The following COL26A1 variants were observed in gnomAD, a reference collection of about 807,000 sequenced individuals.
The protein encoded by COL26A1 is collagen alpha-1(XXVI) chain.
In COL26A1, 41 loss-of-function variants were observed where a neutral mutation model predicts 59.3. That is an observed-to-expected ratio of 0.69 (90% CI 0.54 to 0.90). COL26A1 has a LOEUF of 0.90. Ranked by LOEUF, COL26A1 falls within the 40% of genes least tolerant of loss-of-function variation. COL26A1 has a pLI of 0.00. For synonymous variants in COL26A1, 266 were observed against 256.0 expected, an observed-to-expected ratio of 1.04 and a Z score of -0.37; for missense variants, 612 against 602.3, an observed-to-expected ratio of 1.02 and a Z score of -0.17.
At chr7:101,523,174 A>T (rs1172645320) in intron 3 of COL26A1, among the ~76,000 whole-genome samples, 1 of 151,142 alleles carries the variant, frequency 6.6e-6, no homozygotes, top group African/African-American at 2.4e-5. Context: ...GGTTCAAGCC[A>T]TTCTCCTGCC....
In COL26A1 at chr7:101,520,633, T is replaced by TACACACACAC. The variant is rs3073377; in HGVS notation, c.386-12428_386-12419dup. Among the ~76,000 whole-genome samples, 1,265 of 137,276 alleles carry TACACACACAC rather than the reference T, an allele frequency of 9.2e-3. 29 individuals are homozygous for TACACACACAC. The highest frequency in any genetic ancestry group is 0.034 in the African/African-American group (1,093 of 31,698). 90.1% of individuals were successfully genotyped at this position (137,276 alleles called of 152,430 possible). A position where few individuals can be genotyped will look rare whatever the true frequency, so the allele number is the denominator to read the frequency against. ...AGGTTGACAGACAAGCACAGACACATACACACACACACACACACACACACA... is the reference window on the plus strand; with the variant it reads ...AGGTTGACAGACAAGCACAGACACATACACACACACACACACACACACACACACACACACA... On this transcript the variant is annotated intron_variant, in intron 3 of 12. Coordinates refer to ENST00000313669, the MANE Select transcript of COL26A1 (RefSeq NM_001278563.3).
intron 3 of COL26A1, among the ~76,000 whole-genome samples, chr7:101,521,920 G>A (rs1346027877): frequency 1.3e-5 from 2 of 152,092 alleles, no homozygotes; most frequent in African/African-American, 4.8e-5. Flanking sequence ...CGTGTTCTGT[G>A]AGACTCGTCC....
At chr7:101,485,721 G>A (rs1317505494) in intron 3 of COL26A1, among the ~76,000 whole-genome samples, 1 of 152,130 alleles carries the variant, frequency 6.6e-6, no homozygotes, top group Non-Finnish European at 1.5e-5. Context: ...GGACAGTTCT[G>A]GCAAAAACCT....
chr7:101,473,281 A>G lies in COL26A1; in HGVS notation c.385+25494A>G, dbSNP rs539917482. Reference sequence around the variant, plus strand: ...TTTTTAGTAGAGACAGGGTTTCACCATTCACCGCATGGTCTTGATCTCCTG... The same window carrying G: ...TTTTTAGTAGAGACAGGGTTTCACCGTTCACCGCATGGTCTTGATCTCCTG... On this transcript the variant is annotated intron_variant, in intron 3 of 12. Coordinates refer to ENST00000313669, the MANE Select transcript of COL26A1 (RefSeq NM_001278563.3). 1.5e-4 allele frequency among the ~76,000 whole-genome samples: 22 copies of G among 151,410 alleles called. No individual in the cohort carries two copies. The East Asian group carries it at 2.7e-3, about 19-fold the overall frequency.
chr7:101,437,026 G>T (rs1003651263), intron 2 of COL26A1, among the ~76,000 whole-genome samples: 6 of 152,120 alleles, frequency 3.9e-5, no homozygotes, highest in Admixed American at 2.6e-4. Context: ...CTGCATCCAG[G>T]CACCCTGTTC....
At chr7:101,414,432 T>TTGTGTG (rs34282686) in intron 1 of COL26A1, among the ~76,000 whole-genome samples, 8,652 of 146,228 alleles carry the variant, frequency 0.059, 302 homozygotes, top group African/African-American at 0.081. Flanking sequence ...CACTCTGTGT[T>TTGTGTG]TGTGTGTGTG....
intron 3 of COL26A1, among the ~76,000 whole-genome samples, chr7:101,481,497 G>A (rs912743347): frequency 2.7e-5 from 4 of 150,466 alleles, no homozygotes; most frequent in Admixed American, 6.6e-5. Flanking sequence ...TGTCACCCCG[G>A]CTGGAGTGCA....
intron 1 of COL26A1, among the ~76,000 whole-genome samples, chr7:101,378,082 T>C (rs1262476188): frequency 2.0e-5 from 3 of 152,090 alleles, no homozygotes; most frequent in African/African-American, 7.2e-5. Context: ...ATTTATCATT[T>C]AAAAATTTTT....
chr7:101,440,901 C>T (rs28377035), intron 2 of COL26A1, among the ~76,000 whole-genome samples: 65,520 of 151,042 alleles, frequency 0.43, 16,341 homozygotes, highest in Middle Eastern at 0.59. Flanking sequence ...TGCTTGAACC[C>T]GGGACACAGA....
rs935097083 is a variant in COL26A1, at chr7:101,508,944, G to T, written c.386-24138G>T. Among the ~76,000 whole-genome samples the T allele has an allele frequency of 3.9e-5, 6 of 152,188 alleles. No homozygotes were observed. In the East Asian group the frequency reaches 5.8e-4, roughly 15 times the overall value. On this transcript the variant is annotated intron_variant, in intron 3 of 12. Transcript: ENST00000313669. ...CCTTTGAGCCCAGGAGGTCGAAGCTGCAGTGAGCTATGATCGTACCACTGC... is the reference window on the plus strand; with the variant it reads ...CCTTTGAGCCCAGGAGGTCGAAGCTTCAGTGAGCTATGATCGTACCACTGC...
In COL26A1 at chr7:101,549,204, C is replaced by G. The variant is rs772573488; in HGVS notation, c.974C>G (p.Pro325Arg). 6.2e-6 allele frequency: 10 copies of G among 1,605,900 alleles called. No homozygotes were observed. The Admixed American group carries it at 1.5e-4, about 24-fold the overall frequency. Reference protein sequence around the residue: ...PPGPRGPPGPPGTPGSQGLAG... With the variant: ...PPGPRGPPGPRGTPGSQGLAG... ...GGGCCTCGAGGTCCCCCAGGACCCC[C>G]AGGAACACCTGGATCCCAGGTAAGG... The change falls in exon 9 of 13, where the codon CCA becomes CGA. Residue 325 changes from proline (P) to arginine (R), a missense_variant. Coordinates refer to ENST00000313669, the MANE Select transcript of COL26A1 (RefSeq NM_001278563.3).
chr7:101,383,533 A>ATT lies in COL26A1; in HGVS notation c.158+20352_158+20353dup, dbSNP rs36087862. Among the ~76,000 whole-genome samples the ATT allele has an allele frequency of 5.0e-3, 737 of 147,676 alleles. 11 individuals carry two copies. The highest frequency in any genetic ancestry group is 7.3e-3 in the Non-Finnish European group (490 of 67,134). On this transcript the variant is annotated intron_variant, in intron 1 of 12. Transcript: ENST00000313669. ...AGGCATGTGCCACCACGCCTGGCTA[A>ATT]TTTTTTTTTTCTTTTTTATGAGACA...
chr7:101,386,117 G>A (rs1295438379), intron 1 of COL26A1, among the ~76,000 whole-genome samples: 1 of 152,186 alleles, frequency 6.6e-6, no homozygotes, highest in Non-Finnish European at 1.5e-5. Flanking sequence ...TGCAGAGGAT[G>A]TCCGAAGTAG....
intron 2 of COL26A1, among the ~76,000 whole-genome samples, chr7:101,443,024 C>T (rs1584411462): frequency 6.6e-6 from 1 of 152,144 alleles, no homozygotes; most frequent in African/African-American, 2.4e-5. Context: ...TGTGTGAGGG[C>T]ACGTGTGTCC....
intron 3 of COL26A1, among the ~76,000 whole-genome samples, chr7:101,513,576 C>T (rs1794970149): frequency 1.3e-5 from 2 of 152,040 alleles, no homozygotes; most frequent in African/African-American, 4.8e-5. Flanking sequence ...AGCTCTTGGC[C>T]TCAAGTGATC....
At chr7:101,431,999 C>T (rs1792794644) in intron 2 of COL26A1, among the ~76,000 whole-genome samples, 1 of 139,198 alleles carries the variant, frequency 7.2e-6, no homozygotes, top group Non-Finnish European at 1.5e-5. Flanking sequence ...CGAAGTTTTG[C>T]TCTCGTTGCC....
At chr7:101,512,343 G>A (rs548471616) in intron 3 of COL26A1, among the ~76,000 whole-genome samples, 5 of 152,310 alleles carry the variant, frequency 3.3e-5, no homozygotes, top group African/African-American at 1.2e-4. Flanking sequence ...ACCTAGCCAG[G>A]TGTGGTGGCT....
intron 2 of COL26A1, among the ~76,000 whole-genome samples, chr7:101,443,880 T>C (rs2130365179): frequency 6.6e-6 from 1 of 150,456 alleles, no homozygotes; most frequent in South Asian, 2.1e-4. Flanking sequence ...TTCTTTTTTT[T>C]TTTTTTTTCA....
At chr7:101,458,960 C>T (rs1453800879) in intron 3 of COL26A1, among the ~76,000 whole-genome samples, 1 of 151,972 alleles carries the variant, frequency 6.6e-6, no homozygotes, top group South Asian at 2.1e-4. Flanking sequence ...TGCCACCATG[C>T]CTGGCTAATT....
Sources: allele counts gnomAD v4.1 joint callset (sites outside exome capture counted in the v4.1 genomes callset), GRCh38; gene constraint gnomAD v4.1.1; transcripts MANE v1.5; gene names NCBI Gene and HGNC (gene_info 2026-07-23, HGNC 2026-07-21).